CLIP2: variants seen among roughly 807,000 people sequenced by gnomAD.
CLIP2 encodes the protein CAP-Gly domain containing linker protein 2.
A neutral mutation model predicts 111.7 loss-of-function variants in CLIP2; 41 were observed. The observed-to-expected ratio is 0.37, with a 90% CI of 0.29 to 0.48. The LOEUF (loss-of-function observed/expected upper bound fraction) is 0.48, where lower values mean the gene tolerates loss of function less well. Among genes scored for constraint, CLIP2 ranks in the 20% least tolerant of loss-of-function variants. CLIP2 has a pLI of 0.99. For synonymous variants in CLIP2, 660 were observed against 644.2 expected, an observed-to-expected ratio of 1.02 and a Z score of -0.37; for missense variants, 1,160 against 1,422.1, an observed-to-expected ratio of 0.82 and a Z score of 2.96.
At chr7:74,371,664 AAAG>A (rs1562715672) in intron 8 of CLIP2, among the ~76,000 whole-genome samples, 1 of 129,474 alleles carries the variant, frequency 7.7e-6, no homozygotes, top group Non-Finnish European at 1.6e-5. Context: ...AGAGAGGGAA[AAAG>A]AAAGGAGGGA....
chr7:74,338,364 C>T lies in CLIP2; in HGVS notation c.122-84C>T. ...CCAAAAATACAAATCAGCCACCTCC[C>T]AACCCTAGACTCTGTGCTCCTGGGG... On this transcript the variant is annotated intron_variant, in intron 2 of 16. Coordinates refer to ENST00000223398, the MANE Select transcript of CLIP2 (RefSeq NM_003388.5). This position sits in a 1 kb window ranked among gnomAD's most constrained non-coding sequence, Gnocchi z 4.3. 7.0e-7 allele frequency: 1 copy of T among 1,429,408 alleles called. No homozygotes were observed. The highest frequency in any genetic ancestry group is 9.4e-7 in the Non-Finnish European group (1 of 1,061,822). The allele number at this position is 1,429,408 out of a possible 1,614,324, so 88.5% of individuals were successfully genotyped here.
At chr7:74,392,836 T>A (rs1791330662) in intron 13 of CLIP2, among the ~76,000 whole-genome samples, 2 of 151,994 alleles carry the variant, frequency 1.3e-5, no homozygotes, top group African/African-American at 2.4e-5. Flanking sequence ...ATAATAGTAA[T>A]AAACACAATT....
intron 13 of CLIP2, among the ~76,000 whole-genome samples, chr7:74,393,130 G>A (rs1791344320): frequency 6.6e-6 from 1 of 151,440 alleles, no homozygotes; most frequent in Admixed American, 6.6e-5. Context: ...CCACCTTCTG[G>A]GTTCAAGCGA....
At chr7:74,310,451 A>G (rs1554728344) in intron 1 of CLIP2, among the ~76,000 whole-genome samples, 1 of 151,894 alleles carries the variant, frequency 6.6e-6, no homozygotes, top group Non-Finnish European at 1.5e-5. Context: ...GAGCCCAGGA[A>G]CTTCCAGGCT....
intron 10 of CLIP2, among the ~76,000 whole-genome samples, chr7:74,378,311 A>G (rs1790853122): frequency 6.7e-6 from 1 of 150,362 alleles, no homozygotes; most frequent in African/African-American, 2.5e-5. Context: ...TAGTTTTTGT[A>G]GAGATGGGGT....
chr7:74,342,892 G>T (rs923991460), intron 3 of CLIP2, among the ~76,000 whole-genome samples: 5 of 152,056 alleles, frequency 3.3e-5, no homozygotes, highest in South Asian at 4.1e-4. Context: ...AAAATTAGCC[G>T]GGTGCAGTGG....
intron 2 of CLIP2, among the ~76,000 whole-genome samples, chr7:74,321,279 C>T (rs1353938604): frequency 1.3e-5 from 2 of 152,082 alleles, no homozygotes; most frequent in Admixed American, 6.6e-5. Flanking sequence ...TATCCTTTAA[C>T]CTTCTCCCTT....
chr7:74,359,016 G>A lies in CLIP2; in HGVS notation c.1216-1159G>A, dbSNP rs145633082. On this transcript the variant is annotated intron_variant, in intron 6 of 16. Transcript: ENST00000223398. Reference sequence around the variant, plus strand: ...GTCTCGCTCTGTCACCCAGGCTGGAGTGCAGTAACACGATCTTGGCTCACT... The same window carrying A: ...GTCTCGCTCTGTCACCCAGGCTGGAATGCAGTAACACGATCTTGGCTCACT... Among the ~76,000 whole-genome samples the A allele has an allele frequency of 3.9e-5, 6 of 152,218 alleles. No individual in the cohort carries two copies. The East Asian group carries it at 1.2e-3, about 29-fold the overall frequency.
At chr7:74,393,027 G>A (rs1170018634) in intron 13 of CLIP2, among the ~76,000 whole-genome samples, 1 of 145,376 alleles carries the variant, frequency 6.9e-6, no homozygotes, top group African/African-American at 2.5e-5. Context: ...GCCCCTGTAA[G>A]CATTTGCTTT....
intron 12 of CLIP2, 99 bp downstream of exon 12, chr7:74,386,703 G>A (rs1791112572): frequency 1.1e-6 from 1 of 908,594 alleles, no homozygotes; most frequent in African/African-American, 1.8e-5. Context: ...CCTGGCTTAG[G>A]GTCCCCTCCC....
chr7:74,305,231 CT>C (rs1176743925), intron 1 of CLIP2, among the ~76,000 whole-genome samples: 1 of 152,150 alleles, frequency 6.6e-6, no homozygotes, highest in African/African-American at 2.4e-5. Flanking sequence ...ATTGCCAGGC[CT>C]TTTGACTTGC....
chr7:74,322,721 T>G (rs1788997389), intron 2 of CLIP2, among the ~76,000 whole-genome samples: 1 of 152,164 alleles, frequency 6.6e-6, no homozygotes, highest in Non-Finnish European at 1.5e-5. Context: ...TGTTTATCTT[T>G]GTTTTTTGCT....
intron 2 of CLIP2, among the ~76,000 whole-genome samples, chr7:74,327,530 C>G (rs1554730798): frequency 6.6e-6 from 1 of 152,214 alleles, no homozygotes; most frequent in Admixed American, 6.5e-5. Context: ...TTTCTCTTTC[C>G]TTTCCATACA....
chr7:74,390,191 AAGAAAGAAAGAAAG>A (rs1398584316), intron 13 of CLIP2, among the ~76,000 whole-genome samples: 5 of 99,596 alleles, frequency 5.0e-5, no homozygotes, highest in Non-Finnish European at 9.4e-5. Context: ...GAAAGAAAGA[AAGAAAGAAAGAAAG>A]AAAGAAAGAA....
At chr7:74,339,090 G>C (rs1047558303) in intron 3 of CLIP2, 86 bp downstream of exon 3, 1 of 1,361,790 alleles carries the variant, frequency 7.3e-7, no homozygotes, top group Non-Finnish European at 9.9e-7. Flanking sequence ...ACCCCCCTGG[G>C]CTGGGCAGGG....
At chr7:74,353,851 T>C in intron 3 of CLIP2, 29 bp from the exon 4 acceptor site, 1 of 1,613,948 alleles carries the variant, frequency 6.2e-7, no homozygotes, top group South Asian at 1.1e-5. Context: ...CTGCATCCTC[T>C]AGACCTGAGT....
intron 10 of CLIP2, 32 bp from the exon 11 acceptor site, chr7:74,380,774 G>T: frequency 6.3e-7 from 1 of 1,580,058 alleles, no homozygotes; most frequent in South Asian, 1.1e-5. Context: ...GGGCAGAGGT[G>T]AGCATCCCCC....
At chr7:74,322,860 A>G (rs1475941282) in intron 2 of CLIP2, among the ~76,000 whole-genome samples, 1 of 151,804 alleles carries the variant, frequency 6.6e-6, no homozygotes. Flanking sequence ...CCTCCCAAGT[A>G]GCTGGGATTA....
chr7:74,371,136 C>T (rs555639754), intron 8 of CLIP2, among the ~76,000 whole-genome samples: 18 of 146,978 alleles, frequency 1.2e-4, no homozygotes, highest in African/African-American at 4.0e-4. Context: ...CCCAGTTACT[C>T]GGGAGGCTGA....
Sources: gnomAD v4.1 joint callset for allele counts (sites outside exome capture counted in the v4.1 genomes callset) on GRCh38, gnomAD v4.1.1 for gene constraint, Gnocchi (gnomAD v3.1) non-coding constraint, MANE v1.5 for transcripts, NCBI Gene and HGNC (gene_info 2026-07-23, HGNC 2026-07-21) for gene names.